DDX10: variants seen among roughly 807,000 people sequenced by gnomAD.
DDX10 encodes DEAD-box helicase 10.
A neutral mutation model predicts 104.3 loss-of-function variants in DDX10; 74 were observed. The observed-to-expected ratio is 0.71, with a 90% CI of 0.59 to 0.86. The LOEUF is 0.86. Ranked by LOEUF, DDX10 falls within the 40% of genes least tolerant of loss-of-function variation. The pLI is 0.00. For synonymous variants in DDX10, 351 were observed against 353.4 expected (o/e 0.99, Z 0.08); for missense variants, 952 against 1,040.0 (o/e 0.92, Z 1.16).
intron 13 of DDX10, among the ~76,000 whole-genome samples, chr11:108,746,980 T>C (rs2094332603): frequency 6.6e-6 from 1 of 152,080 alleles, no homozygotes; most frequent in Non-Finnish European, 1.5e-5. Context: ...AGAATTGTAG[T>C]TATAAGGGCT....
intron 17 of DDX10, chr11:108,929,667 G>A (rs773853576): frequency 6.6e-6 from 1 of 152,110 alleles, no homozygotes; most frequent in Non-Finnish European, 1.5e-5. Context: ...ACAGAAAAGT[G>A]GAATTGAGAT....
intron 13 of DDX10, among the ~76,000 whole-genome samples, chr11:108,760,908 C>T (rs917378649): frequency 1.3e-5 from 2 of 151,842 alleles, no homozygotes; most frequent in Non-Finnish European, 2.9e-5. Flanking sequence ...TAAATCTTCA[C>T]TGAAGTGATG....
chr11:108,859,427 C>A (rs2726907), intron 16 of DDX10, among the ~76,000 whole-genome samples: 106,125 of 151,820 alleles, frequency 0.7, 38,788 homozygotes, highest in South Asian at 0.79. Flanking sequence ...AAACAGATTC[C>A]TAATAAATTT....
intron 13 of DDX10, among the ~76,000 whole-genome samples, chr11:108,792,958 G>T (rs183238521): frequency 2.0e-5 from 3 of 152,248 alleles, no homozygotes; most frequent in Admixed American, 2.0e-4. Flanking sequence ...TTAAATTTAT[G>T]TGGTAGCCAG....
At chr11:108,912,824 A>G (rs1276385096) in intron 16 of DDX10, among the ~76,000 whole-genome samples, 1 of 152,178 alleles carries the variant, frequency 6.6e-6, no homozygotes, top group Non-Finnish European at 1.5e-5. Context: ...AAGCCAGACT[A>G]AGGCATGAGT....
intron 6 of DDX10, among the ~76,000 whole-genome samples, chr11:108,685,062 T>C (rs1305061507): frequency 6.9e-6 from 1 of 144,104 alleles, no homozygotes; most frequent in Non-Finnish European, 1.5e-5. Flanking sequence ...GTTTTTTTCT[T>C]GTAAATTTGT....
At chr11:108,733,888 G>T (rs1427701992) in intron 13 of DDX10, among the ~76,000 whole-genome samples, 2 of 151,918 alleles carry the variant, frequency 1.3e-5, no homozygotes, top group African/African-American at 4.8e-5. Context: ...TTGCAGTTGG[G>T]TTTTGTAAGC....
intron 10 of DDX10, among the ~76,000 whole-genome samples, chr11:108,713,448 C>G (rs1591798524): frequency 6.6e-6 from 1 of 152,034 alleles, no homozygotes. Flanking sequence ...AGTAATGAAC[C>G]CATCAAAGGT....
At chr11:108,709,236 T>C (rs1421471124) in intron 10 of DDX10, among the ~76,000 whole-genome samples, 2 of 152,198 alleles carry the variant, frequency 1.3e-5, no homozygotes, top group African/African-American at 4.8e-5. Flanking sequence ...TTTGTATTTG[T>C]TGAGGACTTG....
intron 11 of DDX10, among the ~76,000 whole-genome samples, chr11:108,716,237 A>G (rs1003634918): frequency 1.9e-4 from 29 of 152,046 alleles, no homozygotes; most frequent in Non-Finnish European, 2.9e-5. Flanking sequence ...CTGGGACTAC[A>G]GGTGTGCGCC....
chr11:108,890,437 A>G (rs772013855), intron 16 of DDX10, among the ~76,000 whole-genome samples: 3 of 152,048 alleles, frequency 2.0e-5, no homozygotes, highest in Admixed American at 1.3e-4. Context: ...GGCTATTCCT[A>G]TTCCAGAGCC....
At chr11:108,678,892 T>TC (rs1445413551) in intron 5 of DDX10, among the ~76,000 whole-genome samples, 1 of 144,192 alleles carries the variant, frequency 6.9e-6, no homozygotes, top group African/African-American at 2.5e-5. Context: ...TTTTTTTTTT[T>TC]TTTTATACAG....
intron 15 of DDX10, among the ~76,000 whole-genome samples, chr11:108,843,472 C>T (rs1210236588): frequency 6.8e-6 from 1 of 146,574 alleles, no homozygotes; most frequent in Non-Finnish European, 1.5e-5. Context: ...AAAAAAATTG[C>T]ACATTGGCTG....
intron 16 of DDX10, among the ~76,000 whole-genome samples, chr11:108,916,245 T>C (rs1052767105): frequency 6.6e-6 from 1 of 152,078 alleles, no homozygotes; most frequent in African/African-American, 2.4e-5. Flanking sequence ...ATTAGAAATA[T>C]CTTGTAGCTC....
At chr11:108,820,892 A>G (rs962808370) in intron 13 of DDX10, among the ~76,000 whole-genome samples, 3 of 152,220 alleles carry the variant, frequency 2.0e-5, no homozygotes, top group South Asian at 2.1e-4. Context: ...GTTTATTTCT[A>G]TGCTATTTAA....
At chr11:108,674,282 AGAGT>A (rs1321856351) in intron 2 of DDX10, among the ~76,000 whole-genome samples, 2 of 152,104 alleles carry the variant, frequency 1.3e-5, no homozygotes, top group African/African-American at 2.4e-5. Context: ...CCTGGGCAAC[AGAGT>A]GAGACACCGT....
intron 17 of DDX10, among the ~76,000 whole-genome samples, chr11:108,939,350 T>G (rs1313345918): frequency 6.6e-6 from 1 of 152,204 alleles, no homozygotes. Context: ...TTAACCTCTC[T>G]TAACCTCATT....
At chr11:108,841,199 A>G in intron 14 of DDX10, 116 bp from the exon 15 acceptor site, 1 of 789,250 alleles carries the variant, frequency 1.3e-6, no homozygotes. Flanking sequence ...AATACAGATT[A>G]GATTGTAAGG....
chr11:108,779,615 A>G (rs1207766230), intron 13 of DDX10, among the ~76,000 whole-genome samples: 1 of 152,210 alleles, frequency 6.6e-6, no homozygotes, highest in African/African-American at 2.4e-5. Flanking sequence ...ACATGTATAC[A>G]TATGTAACAA....
Sources: gnomAD v4.1 joint callset for allele counts (sites outside exome capture counted in the v4.1 genomes callset) on GRCh38, gnomAD v4.1.1 for gene constraint, MANE v1.5 for transcripts, NCBI Gene and HGNC (gene_info 2026-07-23, HGNC 2026-07-21) for gene names.